Variants in BCL11B observed in about 807,000 individuals in gnomAD.
BCL11B encodes BCL11 transcription factor B.
A neutral mutation model predicts 49.9 loss-of-function variants in BCL11B; 8 were observed. The ratio of observed to expected loss-of-function variants is 0.16; its 90% confidence interval spans 0.09 to 0.29. BCL11B has a LOEUF of 0.29. BCL11B is among the 10% of genes least tolerant of loss of function. BCL11B has a pLI of 1.00. For missense variants in BCL11B, 1,006 were observed against 1,351.0 expected (o/e 0.74, Z 4.00); for synonymous variants, 739 against 637.4 (o/e 1.16, Z -2.40).
rs887656335 is a variant in BCL11B, at chr14:99,248,804, G to C, written c.427+8667C>G. 1.3e-5 allele frequency among the ~76,000 whole-genome samples: 2 copies of C among 152,130 alleles called. No homozygotes were observed. Among genetic ancestry groups the C allele is most frequent in the Non-Finnish European group, 2.9e-5 (2 of 68,016 alleles). ...GACCTTCTGCCTGGCTCTTGCAGCT[G>C]TTAGAAACCACTGGTGGCTCCATCT... On this transcript the variant is annotated intron_variant, in intron 2 of 3. Transcript: ENST00000357195. This position sits in a 1 kb window ranked among gnomAD's most constrained non-coding sequence, Gnocchi z 4.7.
At chr14:99,264,803 G>A (rs984436121) in intron 1 of BCL11B, 1 of 152,170 alleles carries the variant, frequency 6.6e-6, no homozygotes, top group Non-Finnish European at 1.5e-5. Context: ...GAAGACGCAA[G>A]AAATGTGTCC....
chr14:99,256,666 G>A (rs1889172629), intron 2 of BCL11B, among the ~76,000 whole-genome samples: 1 of 152,208 alleles, frequency 6.6e-6, no homozygotes, highest in South Asian at 2.1e-4. Context: ...GGCCAAGAGG[G>A]AGGGACTTCA....
intron 3 of BCL11B, among the ~76,000 whole-genome samples, chr14:99,196,314 T>C (rs1223973067): frequency 2.6e-5 from 4 of 152,130 alleles, no homozygotes; most frequent in Non-Finnish European, 4.4e-5. Context: ...GACAGCAGTG[T>C]TCTGATCATA....
At chr14:99,199,894 T>C (rs1435395887) in intron 3 of BCL11B, among the ~76,000 whole-genome samples, 1 of 152,128 alleles carries the variant, frequency 6.6e-6, no homozygotes, top group African/African-American at 2.4e-5. Flanking sequence ...CTTGTTGGTA[T>C]TGCCTCGCCA....
rs1316604450 is a variant in BCL11B, at chr14:99,170,701, T to C, written c.*3450A>G. 3 of 233,046 alleles carry C rather than the reference T, an allele frequency of 1.3e-5. No individual in the cohort carries two copies. Among genetic ancestry groups the C allele is most frequent in the African/African-American group, 6.6e-5 (3 of 45,218 alleles). 14.4% of individuals were successfully genotyped at this position (233,046 alleles called of 1,614,324 possible). A position where few individuals can be genotyped will look rare whatever the true frequency, so the allele number is the denominator to read the frequency against. On this transcript the variant is annotated 3_prime_UTR_variant, in exon 4 of 4. Coordinates refer to ENST00000357195, the MANE Select transcript of BCL11B (RefSeq NM_138576.4). ...CATTCGGAAACTGACGGAATGTAGG[T>C]TTCAGAGAGCAAAGCAGCAAAGCAG...
intron 1 of BCL11B, among the ~76,000 whole-genome samples, chr14:99,260,196 T>C (rs1889295879): frequency 6.6e-6 from 1 of 151,952 alleles, no homozygotes; most frequent in Non-Finnish European, 1.5e-5. Flanking sequence ...ATAATGAAAT[T>C]GAGAATTCAA....
chr14:99,220,388 T>C (rs762359373), intron 3 of BCL11B, among the ~76,000 whole-genome samples: 1 of 152,198 alleles, frequency 6.6e-6, no homozygotes, highest in Non-Finnish European at 1.5e-5. Context: ...ATCCATATGA[T>C]AGAATATTAT....
rs1886282618 is a variant in BCL11B at position 99,171,321 on chromosome 14, T to C, written c.*2830A>G. The C allele has an allele frequency of 4.4e-6, 1 of 224,966 alleles. No individual in the cohort carries two copies. The highest frequency in any genetic ancestry group is 8.9e-6 in the Non-Finnish European group (1 of 112,716). The allele number at this position is 224,966 out of a possible 1,614,324, so 13.9% of individuals were successfully genotyped here. A position where few individuals can be genotyped will look rare whatever the true frequency, so the allele number is the denominator to read the frequency against. On this transcript the variant is annotated 3_prime_UTR_variant, in exon 4 of 4. Transcript: ENST00000357195. ...AAAGGTTGTCAAACAACCCTTTTTCTCCTGTACAATAGGACTTAACATACA... is the reference window on the plus strand; with the variant it reads ...AAAGGTTGTCAAACAACCCTTTTTCCCCTGTACAATAGGACTTAACATACA...
chr14:99,249,144 T>G (rs1454409683), intron 2 of BCL11B, among the ~76,000 whole-genome samples: 9 of 152,064 alleles, frequency 5.9e-5, no homozygotes, highest in Admixed American at 5.9e-4. Context: ...AGAGTGGAAA[T>G]CACTCATTGC....
chr14:99,182,688 T>C (rs368057654), intron 3 of BCL11B, among the ~76,000 whole-genome samples: 3 of 152,130 alleles, frequency 2.0e-5, no homozygotes, highest in African/African-American at 7.2e-5. Context: ...TCTCCTCTGG[T>C]GGTAATGTGC....
rs1001723658 is a variant in BCL11B at position 99,195,857 on chromosome 14, T to C, written c.641-19662A>G. Among the ~76,000 whole-genome samples the C allele has an allele frequency of 5.3e-5, 8 of 152,254 alleles. No individual in the cohort carries two copies. Among genetic ancestry groups the C allele is most frequent in the Middle Eastern group, 3.4e-3 (1 of 294 alleles). ...ACTGAGCTGACACAGCCCTCCTGCCTGCTGCCCAGAAGAGCCCTTAAAATT... is the reference window on the plus strand; with the variant it reads ...ACTGAGCTGACACAGCCCTCCTGCCCGCTGCCCAGAAGAGCCCTTAAAATT... On this transcript the variant is annotated intron_variant, in intron 3 of 3. Coordinates refer to ENST00000357195, the MANE Select transcript of BCL11B (RefSeq NM_138576.4). This position sits in a 1 kb window ranked among gnomAD's most constrained non-coding sequence, Gnocchi z 4.7.
intron 2 of BCL11B, among the ~76,000 whole-genome samples, chr14:99,245,492 A>G (rs1888798078): frequency 6.6e-6 from 1 of 152,212 alleles, no homozygotes; most frequent in African/African-American, 2.4e-5. Flanking sequence ...ATTTTTGTAC[A>G]AGGGAACTCC....
intron 3 of BCL11B, among the ~76,000 whole-genome samples, chr14:99,221,642 G>C (rs561420601): frequency 6.6e-6 from 1 of 152,248 alleles, no homozygotes; most frequent in Non-Finnish European, 1.5e-5. Context: ...CCCCAGGCTC[G>C]AGGAGGCTTG....
chr14:99,226,461 C>T (rs1007713385), intron 3 of BCL11B, among the ~76,000 whole-genome samples: 9 of 152,200 alleles, frequency 5.9e-5, no homozygotes, highest in African/African-American at 1.7e-4. Flanking sequence ...ATCAAGGCGA[C>T]GCATCAGCAG....
intron 3 of BCL11B, among the ~76,000 whole-genome samples, chr14:99,230,245 C>A (rs1399565148): frequency 6.6e-6 from 1 of 152,212 alleles, no homozygotes; most frequent in South Asian, 2.1e-4. Flanking sequence ...CATCAGGGAC[C>A]GCCTGTGGGG....
In BCL11B at chr14:99,175,195, C is replaced by A; in HGVS notation, c.1641G>T (p.Glu547Asp). The A allele has an allele frequency of 6.4e-7, 1 of 1,566,990 alleles. No homozygotes were observed. ...EEEEEEELLL[E>D]NESRPESSFS... Reference sequence around the variant, plus strand: ...AGCTCGACTCGGGCCGGCTCTCGTTCTCCAGTAGCAGCTCCTCCTCCTCCT... The same window carrying A: ...AGCTCGACTCGGGCCGGCTCTCGTTATCCAGTAGCAGCTCCTCCTCCTCCT... The change falls in exon 4 of 4, where the codon GAG becomes GAT. Residue 547 changes from glutamate to aspartate, a missense_variant. Physicochemically the swap from Glu to Asp is conservative, Grantham distance 45. This residue lies in a region of BCL11B where 443 missense variants were observed against 499.7 expected (regional missense o/e 0.89). Coordinates refer to ENST00000357195, the MANE Select transcript of BCL11B (RefSeq NM_138576.4).
chr14:99,208,821 G>T (rs919692969), intron 3 of BCL11B, among the ~76,000 whole-genome samples: 1 of 152,184 alleles, frequency 6.6e-6, no homozygotes, highest in African/African-American at 2.4e-5. Flanking sequence ...AGGCCCCTCA[G>T]GGCTGGACAC....
intron 1 of BCL11B, among the ~76,000 whole-genome samples, chr14:99,269,132 C>A (rs1461699994): frequency 5.3e-5 from 8 of 151,960 alleles, no homozygotes; most frequent in African/African-American, 1.7e-4. Context: ...TGGCAGTGCA[C>A]CCCCATCCAC....
chr14:99,253,391 A>G (rs58784678), intron 2 of BCL11B, among the ~76,000 whole-genome samples: 10,313 of 152,308 alleles, frequency 0.068, 679 homozygotes, highest in African/African-American at 0.17. Flanking sequence ...CAACCCTGAC[A>G]GGAGCCCATT....
Sources: gnomAD v4.1 joint callset for allele counts (sites outside exome capture counted in the v4.1 genomes callset) on GRCh38, gnomAD v4.1.1 for gene constraint, gnomAD v4.1.1 regional missense constraint, Gnocchi (gnomAD v3.1) non-coding constraint, MANE v1.5 for transcripts, NCBI Gene and HGNC (gene_info 2026-07-23, HGNC 2026-07-21) for gene names.